The following NBEA variants were observed in gnomAD, a reference collection of about 807,000 sequenced individuals.
NBEA encodes the protein lysosomal-trafficking regulator 2.
Under a neutral mutation model 343.4 loss-of-function variants are expected in NBEA, and 44 were observed. That is an observed-to-expected ratio of 0.13 (90% CI 0.10 to 0.16). NBEA has a LOEUF of 0.16. Among genes scored for constraint, NBEA ranks in the 10% least tolerant of loss-of-function variants. The pLI is 1.00. For synonymous variants in NBEA, 1,175 were observed against 1,238.7 expected (o/e 0.95, Z 1.08); for missense variants, 2,555 against 3,631.3 (o/e 0.70, Z 7.62).
intron 49 of NBEA, among the ~76,000 whole-genome samples, chr13:35,634,274 C>T (rs1476359966): frequency 1.3e-5 from 2 of 152,014 alleles, no homozygotes; most frequent in East Asian, 3.9e-4. Context: ...ACCCGGGAGG[C>T]GCAGCTTGTA....
Position 35,232,493 on chromosome 13 carries a change from A to G in NBEA, c.5650A>G (p.Ile1884Val). 1 of 1,538,842 alleles carries G rather than the reference A, an allele frequency of 6.5e-7. No homozygotes were observed. The highest frequency in any genetic ancestry group is 8.8e-7 in the Non-Finnish European group (1 of 1,139,786). Residue 1884 changes from isoleucine (I) to valine (V), a missense_variant and splice_region_variant, in exon 34 of 59, where the codon ATC becomes GTC. Around this residue, in one of 21 missense-constraint regions of NBEA, gnomAD observed 84 missense variants for 196.4 expected, o/e 0.43. Coordinates refer to ENST00000379939, the MANE Select transcript of NBEA (RefSeq NM_001385012.1). ...MPEDSAENMS[I>V]TAKLERALEK... ...GTTTTTATGTCTTAATTTCAACAGC[A>G]TCACTGCAAAACTTGAAAGAGCGTT... is the stretch of plus-strand genomic sequence containing the variant.
intron 41 of NBEA, among the ~76,000 whole-genome samples, chr13:35,484,670 T>C (rs1358953836): frequency 6.6e-6 from 1 of 152,092 alleles, no homozygotes; most frequent in Non-Finnish European, 1.5e-5. Context: ...AAAGAAAAAA[T>C]ACAGAAATAA....
At chr13:35,229,519 A>C (rs1008219094) in intron 33 of NBEA, among the ~76,000 whole-genome samples, 14 of 152,032 alleles carry the variant, frequency 9.2e-5, no homozygotes, top group African/African-American at 2.7e-4. Flanking sequence ...AGAAAATTTT[A>C]TTTATTTTTA....
chr13:34,959,580 A>G (rs1481381478), intron 1 of NBEA, among the ~76,000 whole-genome samples: 4 of 152,124 alleles, frequency 2.6e-5, no homozygotes, highest in African/African-American at 9.7e-5. Flanking sequence ...TACTTATTTT[A>G]GGAGTCTGTT....
intron 35 of NBEA, among the ~76,000 whole-genome samples, chr13:35,299,190 T>A (rs547281914): frequency 1.2e-4 from 18 of 152,284 alleles, no homozygotes; most frequent in African/African-American, 4.3e-4. Flanking sequence ...ATCAGAAATA[T>A]AAAATCAATT....
At chr13:35,010,654 C>T (rs1212258808) in intron 1 of NBEA, among the ~76,000 whole-genome samples, 4 of 134,580 alleles carry the variant, frequency 3.0e-5, no homozygotes, top group Non-Finnish European at 6.2e-5. Context: ...GAATCTAAGG[C>T]AGAAGGATAA....
At chr13:35,474,043 C>A (rs2075761932) in intron 41 of NBEA, 1 of 152,014 alleles carries the variant, frequency 6.6e-6, no homozygotes, top group South Asian at 2.1e-4. Context: ...AGATTGTTAT[C>A]TTATGGACCT....
chr13:35,205,984 C>A (rs1407398043), intron 31 of NBEA, among the ~76,000 whole-genome samples: 1 of 151,866 alleles, frequency 6.6e-6, no homozygotes, highest in Non-Finnish European at 1.5e-5. Context: ...GAATTCTAAC[C>A]CGGGTCTGTA....
At chr13:35,478,667 G>T (rs1384783167) in intron 41 of NBEA, among the ~76,000 whole-genome samples, 1 of 152,242 alleles carries the variant, frequency 6.6e-6, no homozygotes, top group East Asian at 1.9e-4. Flanking sequence ...ACCACGGTCT[G>T]CCCACGCACC....
intron 35 of NBEA, among the ~76,000 whole-genome samples, chr13:35,302,904 A>C (rs1243793067): frequency 6.6e-6 from 1 of 152,216 alleles, no homozygotes; most frequent in Non-Finnish European, 1.5e-5. Flanking sequence ...ACACATAAAG[A>C]GTAAACTGAA....
At chr13:35,501,177 C>A (rs1225056696) in intron 41 of NBEA, among the ~76,000 whole-genome samples, 1 of 152,026 alleles carries the variant, frequency 6.6e-6, no homozygotes, top group Non-Finnish European at 1.5e-5. Context: ...ATAGTTTAAT[C>A]CCCTTTCAAA....
chr13:35,528,326 G>T (rs375516629), intron 41 of NBEA, among the ~76,000 whole-genome samples: 2 of 152,150 alleles, frequency 1.3e-5, no homozygotes, highest in East Asian at 3.9e-4. Context: ...CAGAAATAAA[G>T]AAGACATTCG....
intron 39 of NBEA, among the ~76,000 whole-genome samples, chr13:35,451,375 G>A (rs895724414): frequency 6.6e-6 from 1 of 152,150 alleles, no homozygotes; most frequent in African/African-American, 2.4e-5. Context: ...GCCCACCTCG[G>A]CCTCCCAAAG....
At chr13:35,580,481 T>G (rs1213589568) in intron 45 of NBEA, among the ~76,000 whole-genome samples, 1 of 152,162 alleles carries the variant, frequency 6.6e-6, no homozygotes, top group Admixed American at 6.5e-5. Flanking sequence ...TTGCTAAAAT[T>G]TTTGAAGTAT....
intron 41 of NBEA, among the ~76,000 whole-genome samples, chr13:35,501,800 ACTC>A (rs1239963419): frequency 6.6e-6 from 1 of 151,978 alleles, no homozygotes; most frequent in African/African-American, 2.4e-5. Context: ...CATTTCCTCG[ACTC>A]CTCCTGCAAC....
At chr13:35,541,901 C>T (rs2078844988) in intron 41 of NBEA, among the ~76,000 whole-genome samples, 1 of 152,054 alleles carries the variant, frequency 6.6e-6, no homozygotes, top group Admixed American at 6.6e-5. Flanking sequence ...CATTCAATCG[C>T]ACAATGACCC....
chr13:35,388,890 G>A (rs2042370876), intron 38 of NBEA, among the ~76,000 whole-genome samples: 1 of 152,010 alleles, frequency 6.6e-6, no homozygotes, highest in African/African-American at 2.4e-5. Context: ...GAGCACAGAG[G>A]TTTCATTTTG....
chr13:35,012,954 C>G (rs1056079120), intron 1 of NBEA, among the ~76,000 whole-genome samples: 2 of 152,020 alleles, frequency 1.3e-5, no homozygotes, highest in African/African-American at 4.8e-5. Flanking sequence ...TAGGTTGGCT[C>G]CTGATTGTGT....
chr13:35,304,944 A>G (rs183095102), intron 35 of NBEA, among the ~76,000 whole-genome samples: 107 of 152,134 alleles, frequency 7.0e-4, no homozygotes, highest in Non-Finnish European at 1.2e-3. Context: ...TTCAATTTTA[A>G]ATATTTTTTA....
Sources: allele counts gnomAD v4.1 joint callset (sites outside exome capture counted in the v4.1 genomes callset), GRCh38; gene constraint gnomAD v4.1.1; regional missense constraint gnomAD v4.1.1; transcripts MANE v1.5; gene names NCBI Gene and HGNC (gene_info 2026-07-23, HGNC 2026-07-21).